MEGF6: variants seen among roughly 807,000 people sequenced by gnomAD.
MEGF6 encodes the protein multiple epidermal growth factor-like domains protein 6.
In MEGF6, 184 loss-of-function variants were observed where a neutral mutation model predicts 207.1. That is an observed-to-expected ratio of 0.89 (90% CI 0.79 to 1.00). The LOEUF (loss-of-function observed/expected upper bound fraction) is 1.00, where lower values mean the gene tolerates loss of function less well. Among genes scored for constraint, MEGF6 ranks in the 50% least tolerant of loss-of-function variants. The pLI is 0.00. For missense variants in MEGF6, 2,282 were observed against 2,202.9 expected (o/e 1.04, Z -0.72); for synonymous variants, 1,038 against 910.0 (o/e 1.14, Z -2.53).
intron 3 of MEGF6, among the ~76,000 whole-genome samples, chr1:3,593,991 C>T (rs953303965): frequency 5.9e-5 from 9 of 152,228 alleles, no homozygotes; most frequent in African/African-American, 2.2e-4. Flanking sequence ...CGGGCAACTT[C>T]AGCCCCGGTT....
intron 4 of MEGF6, among the ~76,000 whole-genome samples, chr1:3,557,496 G>A (rs963806946): frequency 9.2e-5 from 14 of 152,332 alleles, no homozygotes; most frequent in African/African-American, 9.6e-5. Context: ...TCCAGGCTAC[G>A]TGCCCACCTC....
chr1:3,576,359 C>T (rs1425711279), intron 4 of MEGF6, among the ~76,000 whole-genome samples: 1 of 152,226 alleles, frequency 6.6e-6, no homozygotes, highest in Non-Finnish European at 1.5e-5. Flanking sequence ...AGGGAGGGCT[C>T]CTTCCCCCCA....
At chr1:3,590,024 C>T (rs1167257774) in intron 3 of MEGF6, among the ~76,000 whole-genome samples, 2 of 152,238 alleles carry the variant, frequency 1.3e-5, no homozygotes, top group African/African-American at 4.8e-5. Flanking sequence ...GGAGCTGGTG[C>T]AGCTCCTAAC....
At chr1:3,615,297 C>T (rs761934806), upstream of MEGF6, among the ~76,000 whole-genome samples, 3 of 152,208 alleles carry the variant, frequency 2.0e-5, no homozygotes, top group East Asian at 1.9e-4. Context: ...AGAGAAAGGG[C>T]GGCTGCAGAG....
At chr1:3,567,965 A>T (rs184844830) in intron 4 of MEGF6, among the ~76,000 whole-genome samples, 74 of 152,074 alleles carry the variant, frequency 4.9e-4, no homozygotes, top group Non-Finnish European at 5.9e-5. Flanking sequence ...CCTTCTTCCC[A>T]AGGGTCTCAC....
In MEGF6 at chr1:3,508,671, A is replaced by G. The variant is rs1641210153; in HGVS notation, c.1547T>C (p.Phe516Ser). The G allele has an allele frequency of 6.2e-7, 1 of 1,613,328 alleles. No individual in the cohort carries two copies. Among genetic ancestry groups the G allele is most frequent in the East Asian group, 2.2e-5 (1 of 44,862 alleles). The change falls in exon 13 of 37, where the codon TTT becomes TCT. Residue 516 changes from phenylalanine to serine, a missense_variant. Physicochemically the swap from Phe to Ser is radical, Grantham distance 155. Transcript: ENST00000356575. ...TEKFVCLDDS[F>S]GHDCSLTCDD... is the part of the protein sequence containing the mutation. The stretch of plus-strand genomic sequence containing the variant: ...ACAGGTCAAGCTGCAGTCATGGCCA[A>G]AGGAGTCATCCAGGCAGACTGGGGG...
intron 4 of MEGF6, among the ~76,000 whole-genome samples, chr1:3,567,845 C>T (rs1643390950): frequency 1.3e-5 from 2 of 152,140 alleles, no homozygotes. Context: ...CATGGTAGGA[C>T]CTCGGCATAG....
upstream of MEGF6, chr1:3,611,513 C>T (rs908844363): frequency 2.3e-6 from 1 of 438,300 alleles, no homozygotes; most frequent in Non-Finnish European, 3.8e-6. Flanking sequence ...CACAGTGCCC[C>T]GGACTCAGAG....
intron 26 of MEGF6, chr1:3,497,738 C>T (rs962890112): frequency 5.2e-6 from 2 of 387,668 alleles, no homozygotes; most frequent in African/African-American, 2.1e-5. Flanking sequence ...CGGGAGCCAG[C>T]GACAGCCCTG....
chr1:3,597,136 G>C (rs1245629873), intron 2 of MEGF6, among the ~76,000 whole-genome samples: 1 of 152,232 alleles, frequency 6.6e-6, no homozygotes, highest in Non-Finnish European at 1.5e-5. Flanking sequence ...CTGCCACCAG[G>C]GAGCTGGTTC....
At chr1:3,582,475 GC>G (rs1167991837) in intron 3 of MEGF6, among the ~76,000 whole-genome samples, 1 of 152,090 alleles carries the variant, frequency 6.6e-6, no homozygotes, top group East Asian at 1.9e-4. Context: ...TGACACCAAG[GC>G]CACCGTCATC....
the MEGF6 span, among the ~76,000 whole-genome samples, chr1:3,620,136 A>G: frequency 6.6e-6 from 1 of 152,238 alleles, no homozygotes; most frequent in African/African-American, 2.4e-5. Context: ...GAAATTTCTA[A>G]GCGGCAAAGC....
intron 26 of MEGF6, 80 bp downstream of exon 26, chr1:3,498,291 G>A (rs1380422842): frequency 2.0e-6 from 3 of 1,496,936 alleles, no homozygotes; most frequent in Admixed American, 4.3e-5. Flanking sequence ...ACCGGGCACA[G>A]TCCTCAGCCC....
At chr1:3,608,480 TC>T (rs1490016712) in intron 1 of MEGF6, among the ~76,000 whole-genome samples, 1 of 152,030 alleles carries the variant, frequency 6.6e-6, no homozygotes, top group African/African-American at 2.4e-5. Flanking sequence ...CCCCAGTGGA[TC>T]CAAAGAGCTA....
intron 4 of MEGF6, among the ~76,000 whole-genome samples, chr1:3,563,086 T>G (rs760299154): frequency 6.6e-6 from 1 of 152,270 alleles, no homozygotes; most frequent in Non-Finnish European, 1.5e-5. Context: ...GGTCCCTCCC[T>G]GGAGGCTGCC....
At position 3,499,997 on chromosome 1, in the gene MEGF6, C is replaced by T. The variant is rs557515606; in HGVS notation, c.2708-73G>A. On this transcript the variant is annotated intron_variant, in intron 21 of 36. Coordinates refer to ENST00000356575, the MANE Select transcript of MEGF6 (RefSeq NM_001409.4). Reference sequence around the variant, plus strand: ...TGACCCAGCCGTGCCCGGGCCTTGCCGCCATCCCCAGGACTGTGGGACAGG... The same window carrying T: ...TGACCCAGCCGTGCCCGGGCCTTGCTGCCATCCCCAGGACTGTGGGACAGG... 2.0e-4 allele frequency: 295 copies of T among 1,484,548 alleles called. 1 individual carries two copies. In the African/African-American group the frequency reaches 2.5e-3, roughly 13 times the overall value. The allele number at this position is 1,484,548 out of a possible 1,614,324, so 92.0% of individuals were successfully genotyped here.
chr1:3,503,412 T>C (rs1368241370), intron 17 of MEGF6, among the ~76,000 whole-genome samples: 2 of 152,072 alleles, frequency 1.3e-5, no homozygotes, highest in East Asian at 3.9e-4. Flanking sequence ...TCGGATGTCA[T>C]CGCCTGTGGC....
At chr1:3,595,294 G>C (rs778912426) in intron 3 of MEGF6, 44 bp downstream of exon 3, 22 of 1,405,226 alleles carry the variant, frequency 1.6e-5, no homozygotes, top group Middle Eastern at 3.8e-4. Flanking sequence ...GAGTCCTCTG[G>C]GGTGGAGGTG....
Position 3,586,311 on chromosome 1 carries a change from G to A in MEGF6, c.377-6382C>T, listed in dbSNP as rs115787582. Among the ~76,000 whole-genome samples the A allele has an allele frequency of 9.7e-3, 1,476 of 152,348 alleles. 24 individuals carry two copies. Among genetic ancestry groups the A allele is most frequent in the African/African-American group, 0.034 (1,394 of 41,572 alleles). On this transcript the variant is annotated intron_variant, in intron 3 of 36. Coordinates refer to ENST00000356575, the MANE Select transcript of MEGF6 (RefSeq NM_001409.4). ...GTCTGCACATAAGCATGCATGTGGC[G>A]TGTGGCCTTGTGCACGCTCGAGTGA...
Sources: gnomAD v4.1 joint callset for allele counts (sites outside exome capture counted in the v4.1 genomes callset) on GRCh38, gnomAD v4.1.1 for gene constraint, MANE v1.5 for transcripts, NCBI Gene and HGNC (gene_info 2026-07-23, HGNC 2026-07-21) for gene names.